ABLIM1: variants seen among roughly 807,000 people sequenced by gnomAD.
ABLIM1 encodes the protein actin-binding LIM protein 1.
A neutral mutation model predicts 107.0 loss-of-function variants in ABLIM1; 40 were observed. The ratio of observed to expected loss-of-function variants is 0.37; its 90% CI spans 0.29 to 0.49. The LOEUF (loss-of-function observed/expected upper bound fraction) is 0.49. ABLIM1 is among the 20% of genes least tolerant of loss of function. The probability of loss-of-function intolerance (pLI) is 0.97; values close to 1 mark genes in which losing one functional copy is unlikely to be tolerated. For missense variants in ABLIM1, 857 were observed against 1,008.5 expected (o/e 0.85, Z 2.04); for synonymous variants, 357 against 357.3 (o/e 1.00, Z 0.01).
At chr10:114,593,799 GT>G (rs66802576) in intron 2 of ABLIM1, among the ~76,000 whole-genome samples, 103,264 of 152,032 alleles carry the variant, frequency 0.68, 35,518 homozygotes, top group Middle Eastern at 0.74. Flanking sequence ...AGTAAGCAGT[GT>G]TATTTTGGAA....
intron 1 of ABLIM1, among the ~76,000 whole-genome samples, chr10:114,732,917 A>G (rs918474054): frequency 6.6e-6 from 1 of 152,196 alleles, no homozygotes; most frequent in Non-Finnish European, 1.5e-5. Flanking sequence ...TCATGCTCCA[A>G]CTGAACTTCA....
chr10:114,591,923 C>A (rs1398384074), intron 2 of ABLIM1, among the ~76,000 whole-genome samples: 1 of 152,140 alleles, frequency 6.6e-6, no homozygotes, highest in Non-Finnish European at 1.5e-5. Flanking sequence ...AGTTTTGGAG[C>A]ATTTCAGATT....
At chr10:114,677,947 G>A (rs1481098824) in intron 1 of ABLIM1, among the ~76,000 whole-genome samples, 1 of 152,184 alleles carries the variant, frequency 6.6e-6, no homozygotes, top group African/African-American at 2.4e-5. Context: ...AAGTTGGTGA[G>A]TAAAATCTAG....
At chr10:114,444,244 G>A (rs566804074) in intron 16 of ABLIM1, 110 bp from the exon 17 acceptor site, 1 of 958,280 alleles carries the variant, frequency 1.0e-6, no homozygotes, top group Non-Finnish European at 1.5e-6. Context: ...TTCTCTTGCT[G>A]GAGGGCCTGA....
chr10:114,601,691 A>G lies in ABLIM1; in HGVS notation c.379+136T>C. 2.2e-6 allele frequency: 3 copies of G among 1,393,958 alleles called. No individual in the cohort carries two copies. The Middle Eastern group carries it at 5.3e-4, about 246-fold the overall frequency. The allele number at this position is 1,393,958 out of a possible 1,614,324, so 86.3% of individuals were successfully genotyped here. A position where few individuals can be genotyped will look rare whatever the true frequency, so the allele number is the denominator to read the frequency against. On this transcript the variant is annotated intron_variant, in intron 2 of 22. Coordinates refer to ENST00000533213, the MANE Select transcript of ABLIM1 (RefSeq NM_002313.7). ...GAGTCTAACTGAATCCCAAACTGGC[A>G]GTAAATGATGTCAGGGCTTCTGAGA...
intron 2 of ABLIM1, among the ~76,000 whole-genome samples, chr10:114,592,582 T>G (rs1296497520): frequency 6.6e-6 from 1 of 151,914 alleles, no homozygotes; most frequent in East Asian, 1.9e-4. Flanking sequence ...GAGGGAAAAG[T>G]GGGGTGGGAC....
intron 1 of ABLIM1, among the ~76,000 whole-genome samples, chr10:114,628,298 G>A (rs554448708): frequency 2.4e-4 from 36 of 152,232 alleles, no homozygotes; most frequent in Non-Finnish European, 4.1e-4. Context: ...GCTAATGTCT[G>A]GAGACATATT....
intron 1 of ABLIM1, among the ~76,000 whole-genome samples, chr10:114,742,689 G>A (rs1157419535): frequency 1.3e-5 from 2 of 152,156 alleles, no homozygotes; most frequent in Non-Finnish European, 2.9e-5. Flanking sequence ...AGCACTTTGG[G>A]AGGCTGAGGC....
At chr10:114,576,231 T>G in intron 2 of ABLIM1, among the ~76,000 whole-genome samples, 1 of 152,224 alleles carries the variant, frequency 6.6e-6, no homozygotes, top group Non-Finnish European at 1.5e-5. Context: ...TGGCATCTCC[T>G]TCCGACTGTG....
At chr10:114,651,419 G>A (rs2079234979) in intron 1 of ABLIM1, among the ~76,000 whole-genome samples, 1 of 152,160 alleles carries the variant, frequency 6.6e-6, no homozygotes, top group East Asian at 1.9e-4. Flanking sequence ...AGGAGGAAAA[G>A]CTTAACCTGC....
intron 1 of ABLIM1, among the ~76,000 whole-genome samples, chr10:114,732,287 G>T (rs11814176): frequency 1.3e-5 from 2 of 148,364 alleles, no homozygotes; most frequent in East Asian, 2.0e-4. Context: ...AGATTCAAGC[G>T]ATTCTCCTCG....
intron 4 of ABLIM1, among the ~76,000 whole-genome samples, chr10:114,549,730 C>T (rs1295133035): frequency 1.3e-5 from 2 of 152,082 alleles, no homozygotes; most frequent in Non-Finnish European, 2.9e-5. Context: ...CAGTGAAGGG[C>T]CAGTTAAATA....
chr10:114,512,257 T>A (rs1361842171), intron 6 of ABLIM1, among the ~76,000 whole-genome samples: 4 of 152,214 alleles, frequency 2.6e-5, no homozygotes, highest in Non-Finnish European at 5.9e-5. Context: ...TGTGTTACAA[T>A]CCAATGCAAT....
rs552168200 is a variant in ABLIM1, at chr10:114,717,928, G to C, written c.-213+50133C>G. 7.6e-5 allele frequency among the ~76,000 whole-genome samples: 11 copies of C among 144,410 alleles called. 1 individual carries two copies. Among genetic ancestry groups the C allele is most frequent in the Non-Finnish European group, 1.2e-4 (8 of 65,788 alleles). The allele number at this position is 144,410 out of a possible 152,430, so 94.7% of individuals were successfully genotyped here. A position where few individuals can be genotyped will look rare whatever the true frequency, so the allele number is the denominator to read the frequency against. ...CCCTGTCAAAAGGAGAGGAGAGAAG[G>C]GGGGGAAGGGGAGGGGAGGGGAGGG... On this transcript the variant is annotated intron_variant, in intron 1 of 15. Transcript: ENST00000651092.
chr10:114,478,297 T>G (rs1202660213), intron 8 of ABLIM1, among the ~76,000 whole-genome samples: 1 of 152,236 alleles, frequency 6.6e-6, no homozygotes, highest in Non-Finnish European at 1.5e-5. Context: ...GAACTGGTCA[T>G]CAAATTTGCT....
chr10:114,657,388 G>A (rs1220188737), intron 1 of ABLIM1, among the ~76,000 whole-genome samples: 5 of 152,168 alleles, frequency 3.3e-5, no homozygotes, highest in African/African-American at 1.2e-4. Context: ...CTCAGAGTGG[G>A]CCTTCTCCAC....
chr10:114,525,406 G>A (rs994171859), intron 6 of ABLIM1, among the ~76,000 whole-genome samples: 13 of 152,222 alleles, frequency 8.5e-5, no homozygotes, highest in Admixed American at 5.2e-4. Flanking sequence ...CCACTGATGC[G>A]AGGATTAGAC....
intron 12 of ABLIM1, among the ~76,000 whole-genome samples, chr10:114,457,338 C>T (rs563876885): frequency 3.3e-5 from 5 of 152,156 alleles, no homozygotes; most frequent in East Asian, 1.9e-4. Flanking sequence ...GGTGCAGTCT[C>T]GGCTCATTGT....
intron 1 of ABLIM1, among the ~76,000 whole-genome samples, chr10:114,641,017 A>G (rs950513437): frequency 3.9e-5 from 6 of 152,122 alleles, no homozygotes; most frequent in Admixed American, 1.3e-4. Context: ...GTTAAGGGTA[A>G]TAACTATTGT....
Sources: allele counts gnomAD v4.1 joint callset (sites outside exome capture counted in the v4.1 genomes callset), GRCh38; gene constraint gnomAD v4.1.1; transcripts MANE v1.5; gene names NCBI Gene and HGNC (gene_info 2026-07-23, HGNC 2026-07-21).